The following PLEKHF2 variants were observed in gnomAD, a reference collection of about 807,000 sequenced individuals.
PLEKHF2 encodes the protein pleckstrin homology and FYVE domain containing 2, also known as pleckstrin homology domain-containing family F member 2.
Under a neutral mutation model 14.7 loss-of-function variants are expected in PLEKHF2, and 4 were observed. The ratio of observed to expected loss-of-function variants is 0.27; its 90% CI spans 0.13 to 0.62. The LOEUF (loss-of-function observed/expected upper bound fraction) is 0.62. Ranked by LOEUF, PLEKHF2 falls within the 20% of genes least tolerant of loss-of-function variation. The pLI, the probability that PLEKHF2 is intolerant of heterozygous loss-of-function variation, is 0.85. For synonymous variants in PLEKHF2, 90 were observed against 103.5 expected (o/e 0.87, Z 0.79); for missense variants, 201 against 307.7 (o/e 0.65, Z 2.60).
In PLEKHF2 at chr8:95,155,202, C is replaced by T. The variant is rs1563885069; in HGVS notation, c.*408C>T. 1 of 187,188 alleles carries T rather than the reference C, an allele frequency of 5.3e-6. No individual in the cohort carries two copies. Among genetic ancestry groups the T allele is most frequent in the Non-Finnish European group, 1.3e-5 (1 of 78,974 alleles). 11.6% of individuals were successfully genotyped at this position (187,188 alleles called of 1,614,324 possible). A position where few individuals can be genotyped will look rare whatever the true frequency, so the allele number is the denominator to read the frequency against. Reference sequence around the variant, plus strand: ...ATAATGTTAGCAGCTTTTTTCTAACCATCCTGTCTAATGGTTAAGACACCA... The same window carrying T: ...ATAATGTTAGCAGCTTTTTTCTAACTATCCTGTCTAATGGTTAAGACACCA... On this transcript the variant is annotated 3_prime_UTR_variant, in exon 2 of 2. Transcript: ENST00000315367.
At chr8:95,141,554 C>G (rs974199197) in intron 1 of PLEKHF2, among the ~76,000 whole-genome samples, 3 of 151,942 alleles carry the variant, frequency 2.0e-5, no homozygotes, top group African/African-American at 7.3e-5. Context: ...GAGAGGGAGT[C>G]TTGCTCTGTG....
intron 1 of PLEKHF2, among the ~76,000 whole-genome samples, chr8:95,138,199 G>T (rs1419152406): frequency 2.6e-5 from 4 of 152,044 alleles, no homozygotes; most frequent in Non-Finnish European, 5.9e-5. Context: ...TTATCCCCAA[G>T]TTGACTTATT....
chr8:95,135,440 G>C (rs780578810), intron 1 of PLEKHF2, among the ~76,000 whole-genome samples: 4 of 151,664 alleles, frequency 2.6e-5, no homozygotes, highest in Non-Finnish European at 5.9e-5. Flanking sequence ...GTCTCTGTCT[G>C]TCGCCCAGGC....
At chr8:95,149,875 G>C (rs1270140472) in intron 1 of PLEKHF2, among the ~76,000 whole-genome samples, 1 of 152,140 alleles carries the variant, frequency 6.6e-6, no homozygotes, top group South Asian at 2.1e-4. Context: ...GAAGGACTCA[G>C]TCCTTGGCTA....
At chr8:95,136,809 G>C (rs770045930) in intron 1 of PLEKHF2, among the ~76,000 whole-genome samples, 22 of 152,162 alleles carry the variant, frequency 1.4e-4, no homozygotes, top group Non-Finnish European at 3.2e-4. Flanking sequence ...TGTATGTGTT[G>C]ACTTAACTGA....
Position 95,154,093 on chromosome 8 carries a change from A to T in PLEKHF2, c.49A>T (p.Ile17Leu). Residue 17 changes from isoleucine (I) to leucine (L), a missense_variant, in exon 2 of 2, where the codon ATA becomes TTA. Ile to Leu is a conservative substitution (Grantham distance 5). Transcript: ENST00000315367. This position sits in a 1 kb window ranked among gnomAD's most constrained non-coding sequence, Gnocchi z 5.6. ...NSEANTRRIS[I>L]VENCFGAAGQ... ...TGAAGCAAATACTAGACGTATAAGT[A>T]TAGTGGAAAACTGTTTTGGAGCAGC... The T allele has an allele frequency of 6.2e-7, 1 of 1,613,420 alleles. No individual in the cohort carries two copies. Among genetic ancestry groups the T allele is most frequent in the Non-Finnish European group, 8.5e-7 (1 of 1,179,554 alleles).
Position 95,154,300 on chromosome 8 carries a change from A to G in PLEKHF2, c.256A>G (p.Thr86Ala), listed in dbSNP as rs758792097. 7 of 1,614,136 alleles carry G rather than the reference A, an allele frequency of 4.3e-6. No homozygotes were observed. The highest frequency in any genetic ancestry group is 1.3e-5 in the African/African-American group (1 of 75,048). ...KQHIIPLENV[T>A]IDSIKDEGDL... Reference sequence around the variant, plus strand: ...ACATATTATTCCCCTGGAAAATGTCACTATTGATTCCATCAAAGATGAGGG... The same window carrying G: ...ACATATTATTCCCCTGGAAAATGTCGCTATTGATTCCATCAAAGATGAGGG... The change falls in exon 2 of 2, where the codon ACT (threonine) becomes GCT (alanine). Residue 86 changes from threonine (T) to alanine (A), a missense_variant. Thr to Ala is a moderately conservative substitution (Grantham distance 58, BLOSUM62 0). Transcript: ENST00000315367. This position sits in a 1 kb window ranked among gnomAD's most constrained non-coding sequence, Gnocchi z 5.6.
In PLEKHF2 at chr8:95,140,629, T is replaced by G. The variant is rs143051250; in HGVS notation, c.-15+6599T>G. Among the ~76,000 whole-genome samples, 344 of 152,308 alleles carry G rather than the reference T, an allele frequency of 2.3e-3. 1 individual carries two copies. Among genetic ancestry groups the G allele is most frequent in the African/African-American group, 7.9e-3 (328 of 41,550 alleles). On this transcript the variant is annotated intron_variant, in intron 1 of 1. Transcript: ENST00000315367. ...TTTCCTCTCTGGGGGAATAGTCTTGTGTACCATCATCCATCCCCAAACCCC... is the reference window on the plus strand; with the variant it reads ...TTTCCTCTCTGGGGGAATAGTCTTGGGTACCATCATCCATCCCCAAACCCC...
At chr8:95,153,945 A>G in intron 1 of PLEKHF2, 86 bp from the exon 2 acceptor site, 2 of 1,095,634 alleles carry the variant, frequency 1.8e-6, no homozygotes, top group South Asian at 2.6e-5. Context: ...TGTAAAAGCA[A>G]TGATTTGTTA....
At chr8:95,136,732 T>G (rs1810380329) in intron 1 of PLEKHF2, among the ~76,000 whole-genome samples, 1 of 152,214 alleles carries the variant, frequency 6.6e-6, no homozygotes, top group Non-Finnish European at 1.5e-5. Flanking sequence ...GAAAAATTTT[T>G]TTGTTGTTGT....
At chr8:95,153,793 A>G (rs149747952) in intron 1 of PLEKHF2, among the ~76,000 whole-genome samples, 1 of 152,300 alleles carries the variant, frequency 6.6e-6, no homozygotes, top group African/African-American at 2.4e-5. Context: ...TACTTTTACA[A>G]ATACCTGCTT....
chr8:95,139,978 G>T (rs1368392456), intron 1 of PLEKHF2, among the ~76,000 whole-genome samples: 1 of 151,850 alleles, frequency 6.6e-6, no homozygotes, highest in Non-Finnish European at 1.5e-5. Context: ...CTAAACTAGG[G>T]GTTCCCCAAA....
chr8:95,135,168 A>G (rs1212998219), intron 1 of PLEKHF2, among the ~76,000 whole-genome samples: 2 of 152,358 alleles, frequency 1.3e-5, no homozygotes, highest in African/African-American at 2.4e-5. Context: ...TAAAACTAGT[A>G]TAGTGACTAA....
In PLEKHF2 at chr8:95,154,730, A is replaced by C. The variant is rs138909365; in HGVS notation, c.686A>C (p.Gln229Pro). The change falls in exon 2 of 2, where the codon CAG becomes CCG. Residue 229 changes from glutamine (Q) to proline (P), a missense_variant. Gln to Pro is a moderately conservative substitution (Grantham distance 76). Transcript: ENST00000315367. The surrounding 1 kb of genome is among the most constrained non-coding windows in gnomAD (Gnocchi z 5.6). ...CCTGCTAGATCAGACTCTTACAGCCAGTCATTGAAGTCTCCTTTAAATGAT... is the reference window on the plus strand; with the variant it reads ...CCTGCTAGATCAGACTCTTACAGCCCGTCATTGAAGTCTCCTTTAAATGAT... ...CQPARSDSYS[Q>P]SLKSPLNDMS... 1.1e-4 allele frequency: 177 copies of C among 1,614,026 alleles called. No individual in the cohort carries two copies. The highest frequency in any genetic ancestry group is 1.5e-4 in the Non-Finnish European group (172 of 1,180,002).
At chr8:95,134,853 G>C (rs1810358482) in intron 1 of PLEKHF2, among the ~76,000 whole-genome samples, 1 of 152,146 alleles carries the variant, frequency 6.6e-6, no homozygotes, top group South Asian at 2.1e-4. Context: ...GTACGTTGCT[G>C]AAGAGACTCA....
rs1389158714 is a variant in PLEKHF2 at position 95,154,842 on chromosome 8, A to G, written c.*48A>G. On this transcript the variant is annotated 3_prime_UTR_variant, in exon 2 of 2. Coordinates refer to ENST00000315367, the MANE Select transcript of PLEKHF2 (RefSeq NM_024613.4). The surrounding 1 kb of genome is among the most constrained non-coding windows in gnomAD (Gnocchi z 5.6). ...TCAGGTGTGGCTATCTGAGAAATCA[A>G]CTTTGGGGGAAATGTAAGATTCTGA... 7 of 1,581,720 alleles carry G rather than the reference A, an allele frequency of 4.4e-6. No homozygotes were observed. The highest frequency in any genetic ancestry group is 4.3e-6 in the Non-Finnish European group (5 of 1,159,408).
At chr8:95,138,510 T>A (rs1045164761) in intron 1 of PLEKHF2, among the ~76,000 whole-genome samples, 1 of 152,058 alleles carries the variant, frequency 6.6e-6, no homozygotes, top group Non-Finnish European at 1.5e-5. Context: ...TTTATACTTA[T>A]ATTTTTCTAC....
intron 1 of PLEKHF2, among the ~76,000 whole-genome samples, chr8:95,146,768 T>G (rs1484328929): frequency 6.6e-6 from 1 of 151,926 alleles, no homozygotes; most frequent in Non-Finnish European, 1.5e-5. Context: ...ACGTTTTAAC[T>G]GTGAATTAAC....
At position 95,154,469 on chromosome 8, in the gene PLEKHF2, G is replaced by A. The variant is rs1351779661; in HGVS notation, c.425G>A (p.Ser142Asn). ...DLLSKSGKTP[S>N]NEHAAVWVPD... ...CTCTCCAAAAGTGGGAAGACACCCA[G>A]TAATGAACATGCTGCTGTCTGGGTT... is the stretch of plus-strand genomic sequence containing the variant. The change falls in exon 2 of 2, where the codon AGT becomes AAT. Residue 142 changes from serine to asparagine, a missense_variant. By Grantham distance (46) the Ser-to-Asn change is conservative (BLOSUM62 1). Coordinates refer to ENST00000315367, the MANE Select transcript of PLEKHF2 (RefSeq NM_024613.4). This position sits in a 1 kb window ranked among gnomAD's most constrained non-coding sequence, Gnocchi z 5.6. 6.2e-7 allele frequency: 1 copy of A among 1,614,092 alleles called. No individual in the cohort carries two copies. The highest frequency in any genetic ancestry group is 1.1e-5 in the South Asian group (1 of 91,086).
Sources: allele counts gnomAD v4.1 joint callset (sites outside exome capture counted in the v4.1 genomes callset), GRCh38; gene constraint gnomAD v4.1.1; non-coding constraint Gnocchi (gnomAD v3.1); transcripts MANE v1.5; gene names NCBI Gene and HGNC (gene_info 2026-07-23, HGNC 2026-07-21).